Variants in STK32B observed in about 807,000 individuals in gnomAD.
STK32B encodes the protein serine/threonine-protein kinase 32B.
STK32B carries 43 observed loss-of-function variants against 52.6 expected under a neutral mutation model. That is an observed-to-expected ratio of 0.82 (90% CI 0.64 to 1.05). The LOEUF is 1.05. STK32B is among the 50% of genes least tolerant of loss of function. STK32B has a pLI of 0.00. For synonymous variants in STK32B, 238 were observed against 204.3 expected, an observed-to-expected ratio of 1.17 and a Z score of -1.41; for missense variants, 621 against 534.6, an observed-to-expected ratio of 1.16 and a Z score of -1.59.
intron 1 of STK32B, among the ~76,000 whole-genome samples, chr4:5,095,813 G>A (rs17675640): frequency 0.25 from 37,727 of 152,104 alleles, 5,554 homozygotes; most frequent in Non-Finnish European, 0.34. Flanking sequence ...AGCAACATAC[G>A]CGATGTGTTT....
intron 1 of STK32B, among the ~76,000 whole-genome samples, chr4:5,131,271 A>G (rs956934651): frequency 1.3e-5 from 2 of 151,860 alleles, no homozygotes; most frequent in African/African-American, 2.4e-5. Flanking sequence ...CTGACCACTC[A>G]CCCCATCTTT....
chr4:5,274,857 A>T (rs1727706547), intron 3 of STK32B, among the ~76,000 whole-genome samples: 1 of 152,148 alleles, frequency 6.6e-6, no homozygotes, highest in Admixed American at 6.5e-5. Context: ...CTCCAGATCC[A>T]GCAGGGTGTC....
At position 5,051,917 on chromosome 4, in the gene STK32B, T is replaced by C. The variant is rs1341393019; in HGVS notation, c.52+2T>C. 1.3e-6 allele frequency: 2 copies of C among 1,594,040 alleles called. No homozygotes were observed. Among genetic ancestry groups the C allele is most frequent in the Non-Finnish European group, 1.7e-6 (2 of 1,170,806 alleles). On this transcript the variant is annotated splice_donor_variant, in intron 1 of 11. Coordinates refer to ENST00000282908, the MANE Select transcript of STK32B (RefSeq NM_018401.3). LOFTEE classifies it high-confidence loss of function. ...CCGTGTTTGACGAGAATGAGGAAGG[T>C]AAGAGAGCGAGAGGTGCGAATTCCC...
At chr4:5,410,226 G>A (rs1711556052) in intron 5 of STK32B, among the ~76,000 whole-genome samples, 1 of 152,150 alleles carries the variant, frequency 6.6e-6, no homozygotes, top group Non-Finnish European at 1.5e-5. Flanking sequence ...GGAGCTGAAG[G>A]GCCCACAGCC....
intron 3 of STK32B, among the ~76,000 whole-genome samples, chr4:5,316,089 CTGTT>C: frequency 8.1e-6 from 1 of 124,000 alleles, no homozygotes; most frequent in East Asian, 2.2e-4. Context: ...ATATATGTGT[CTGTT>C]ATGCTACTTT....
At chr4:5,260,462 C>G (rs1193119889) in intron 3 of STK32B, among the ~76,000 whole-genome samples, 1 of 152,128 alleles carries the variant, frequency 6.6e-6, no homozygotes, top group African/African-American at 2.4e-5. Flanking sequence ...CAGACAGGCC[C>G]CTCAGGACGC....
the STK32B span, among the ~76,000 whole-genome samples, chr4:5,044,801 C>T: frequency 3.9e-5 from 6 of 152,112 alleles, no homozygotes; most frequent in Non-Finnish European, 8.8e-5. Context: ...GTACCAGCTA[C>T]TCAGGAAGCT....
At chr4:5,096,171 ATGT>A (rs1254207480) in intron 1 of STK32B, among the ~76,000 whole-genome samples, 6 of 152,254 alleles carry the variant, frequency 3.9e-5, no homozygotes, top group Admixed American at 6.5e-5. Flanking sequence ...CATAGTAAAA[ATGT>A]TGTTTAAAAC....
At chr4:5,427,018 T>G (rs1030588744) in intron 6 of STK32B, 3 of 152,238 alleles carry the variant, frequency 2.0e-5, no homozygotes, top group African/African-American at 4.8e-5. Context: ...AGTTTTAAAT[T>G]ATGATGTCAA....
intron 2 of STK32B, among the ~76,000 whole-genome samples, chr4:5,146,764 T>C (rs1318830810): frequency 1.3e-5 from 2 of 152,244 alleles, no homozygotes; most frequent in African/African-American, 4.8e-5. Context: ...CTCTCGGTTT[T>C]GTACATTTGA....
At chr4:5,067,068 A>G (rs1398248281) in intron 1 of STK32B, among the ~76,000 whole-genome samples, 1 of 152,172 alleles carries the variant, frequency 6.6e-6, no homozygotes, top group East Asian at 1.9e-4. Flanking sequence ...AGCTTAATGG[A>G]CTCACAGTTC....
At chr4:5,071,079 C>A (rs1033336537) in intron 1 of STK32B, among the ~76,000 whole-genome samples, 1 of 152,126 alleles carries the variant, frequency 6.6e-6, no homozygotes, top group Admixed American at 6.6e-5. Flanking sequence ...GCTGTATGCA[C>A]AGGTTGCAGG....
At chr4:5,406,854 G>A (rs1359259838) in intron 5 of STK32B, among the ~76,000 whole-genome samples, 2 of 152,108 alleles carry the variant, frequency 1.3e-5, no homozygotes, top group Non-Finnish European at 2.9e-5. Context: ...TGCCTTTGAG[G>A]CATTTTCCCC....
intron 1 of STK32B, among the ~76,000 whole-genome samples, chr4:5,098,011 T>C (rs369775796): frequency 3.7e-4 from 57 of 152,334 alleles, no homozygotes; most frequent in African/African-American, 1.4e-3. Flanking sequence ...ATGGATCATC[T>C]GTTCCACGTG....
intron 11 of STK32B, among the ~76,000 whole-genome samples, chr4:5,479,123 G>GT (rs5855856): frequency 0.39 from 54,329 of 139,268 alleles, 12,109 homozygotes; most frequent in Admixed American, 0.55. Flanking sequence ...TTTTGTTTTT[G>GT]TTTTTTTTTT....
At chr4:5,224,236 G>C (rs1199918176) in intron 3 of STK32B, among the ~76,000 whole-genome samples, 1 of 152,194 alleles carries the variant, frequency 6.6e-6, no homozygotes, top group African/African-American at 2.4e-5. Flanking sequence ...GTTTAAATGT[G>C]TTCTTTCCAA....
At chr4:5,050,167 G>T (rs1741708094), upstream of STK32B, among the ~76,000 whole-genome samples, 1 of 152,158 alleles carries the variant, frequency 6.6e-6, no homozygotes, top group South Asian at 2.1e-4. Context: ...CTTGTTGGTG[G>T]AATGAAAGGC....
chr4:5,469,413 C>T lies in STK32B; in HGVS notation c.1106+1343C>T, dbSNP rs998423585. 6.6e-6 allele frequency among the ~76,000 whole-genome samples: 1 copy of T among 152,160 alleles called. No homozygotes were observed. Among genetic ancestry groups the T allele is most frequent in the African/African-American group, 2.4e-5 (1 of 41,450 alleles). On this transcript the variant is annotated intron_variant, in intron 11 of 11. Coordinates refer to ENST00000282908, the MANE Select transcript of STK32B (RefSeq NM_018401.3). This position sits in a 1 kb window ranked among gnomAD's most constrained non-coding sequence, Gnocchi z 4.7. ...AAGTTCTCTAGGTGGCGTGCTGGGC[C>T]AAGTCCTAAGGGACATGTAGGGGAA...
intron 3 of STK32B, among the ~76,000 whole-genome samples, chr4:5,294,491 C>A (rs1286980036): frequency 6.6e-6 from 1 of 151,966 alleles, no homozygotes; most frequent in Admixed American, 6.6e-5. Flanking sequence ...TTCTTTACAT[C>A]CCTTTTAAGT....
Sources: allele counts gnomAD v4.1 joint callset (sites outside exome capture counted in the v4.1 genomes callset), GRCh38; gene constraint gnomAD v4.1.1; non-coding constraint Gnocchi (gnomAD v3.1); transcripts MANE v1.5; gene names NCBI Gene and HGNC (gene_info 2026-07-23, HGNC 2026-07-21).